Variants in GFRA2 observed in about 807,000 individuals in gnomAD.
GFRA2 encodes GDNF family receptor alpha-2.
In GFRA2, 17 loss-of-function variants were observed where a neutral mutation model predicts 48.3. The ratio of observed to expected loss-of-function variants is 0.35; its 90% CI spans 0.24 to 0.53. The LOEUF is 0.53. Among genes scored for constraint, GFRA2 ranks in the 20% least tolerant of loss-of-function variants. The pLI is 0.93. For synonymous variants in GFRA2, 305 were observed against 257.2 expected (o/e 1.19, Z -1.78); for missense variants, 660 against 637.3 (o/e 1.04, Z -0.38).
rs1807069056 is a variant in GFRA2, at chr8:21,782,675, G to A, written c.265C>T (p.Pro89Ser). ...QAALEVLQES[P>S]LYDCRCKRGM... ...CGCTTGCAGCGGCAGTCGTACAGCG[G>A]GCTCTCCTGCAAGACCTCCAAGGCC... Residue 89 changes from proline to serine, a missense_variant, in exon 2 of 9, where the codon CCG becomes TCG. Physicochemically the swap from Pro to Ser is moderately conservative, Grantham distance 74 (BLOSUM62 -1). Transcript: ENST00000524240. 1.9e-6 allele frequency: 3 copies of A among 1,588,470 alleles called. No homozygotes were observed. The highest frequency in any genetic ancestry group is 2.6e-6 in the Non-Finnish European group (3 of 1,168,154).
In GFRA2 at chr8:21,750,790, G is replaced by A. The variant is rs1473340097; in HGVS notation, c.592C>T (p.Arg198Cys). Residue 198 changes from arginine to cysteine, a missense_variant, in exon 4 of 9, where the codon CGC becomes TGC. Coordinates refer to ENST00000524240, the MANE Select transcript of GFRA2 (RefSeq NM_001495.5). This position sits in a 1 kb window ranked among gnomAD's most constrained non-coding sequence, Gnocchi z 5.7. Reference protein sequence around the residue: ...EISPTERCNRRKCHKALRQFF... With the variant: ...EISPTERCNRCKCHKALRQFF... ...TGGCGCAGGGCCTTGTGGCACTTGC[G>A]GCGGTTGCAGCGCTCGGTGGGCGAG... 6.2e-6 allele frequency: 10 copies of A among 1,614,050 alleles called. No individual in the cohort carries two copies. Among genetic ancestry groups the A allele is most frequent in the South Asian group, 1.1e-5 (1 of 91,090 alleles).
chr8:21,702,445 G>A (rs1199755179), intron 7 of GFRA2, among the ~76,000 whole-genome samples: 1 of 152,158 alleles, frequency 6.6e-6, no homozygotes, highest in African/African-American at 2.4e-5. Context: ...CTGGCACTGT[G>A]GAGGTGCACT....
intron 2 of GFRA2, among the ~76,000 whole-genome samples, chr8:21,794,978 C>T (rs1807641957): frequency 6.6e-6 from 1 of 152,224 alleles, no homozygotes; most frequent in Admixed American, 6.5e-5. Flanking sequence ...AGTGCTTCAT[C>T]ATTCTCTTTA....
chr8:21,709,350 A>C (rs1221884787), intron 4 of GFRA2, among the ~76,000 whole-genome samples: 2 of 152,252 alleles, frequency 1.3e-5, no homozygotes, highest in East Asian at 3.8e-4. Flanking sequence ...TTGCATGAGC[A>C]GTTCCTGATT....
chr8:21,809,292 C>A (rs1211809287), intron 1 of GFRA2, among the ~76,000 whole-genome samples: 1 of 152,184 alleles, frequency 6.6e-6, no homozygotes, highest in South Asian at 2.1e-4. Flanking sequence ...AGATGTATCT[C>A]CTTTGGCAGA....
chr8:21,800,630 G>C (rs927803207), intron 2 of GFRA2, among the ~76,000 whole-genome samples: 1 of 152,172 alleles, frequency 6.6e-6, no homozygotes, highest in Non-Finnish European at 1.5e-5. Context: ...CATACCATAA[G>C]AGTTCAACAG....
chr8:21,731,402 A>G (rs934199040), intron 4 of GFRA2, among the ~76,000 whole-genome samples: 1 of 152,192 alleles, frequency 6.6e-6, no homozygotes, highest in African/African-American at 2.4e-5. Context: ...CATCATCCGT[A>G]GCCATCTCAA....
In GFRA2 at chr8:21,714,246, C is replaced by T. The variant is rs866023421; in HGVS notation, c.795-8205G>A. 5.1e-3 allele frequency among the ~76,000 whole-genome samples: 398 copies of T among 78,268 alleles called. 1 individual carries two copies. Among genetic ancestry groups the T allele is most frequent in the Admixed American group, 7.5e-3 (38 of 5,086 alleles). The allele number at this position is 78,268 out of a possible 152,430, so 51.3% of individuals were successfully genotyped here. Reference sequence around the variant, plus strand: ...GATCAATACATACTGGTCTGAAGTTCTTTTTTTTTTTTTTTTTTTTTTTGA... The same window carrying T: ...GATCAATACATACTGGTCTGAAGTTTTTTTTTTTTTTTTTTTTTTTTTTGA... On this transcript the variant is annotated intron_variant, in intron 4 of 8. Transcript: ENST00000524240.
At chr8:21,734,437 G>A (rs1804351292) in intron 4 of GFRA2, among the ~76,000 whole-genome samples, 1 of 152,216 alleles carries the variant, frequency 6.6e-6, no homozygotes, top group Non-Finnish European at 1.5e-5. Context: ...AGAGGCACTG[G>A]GAAACATCAC....
At chr8:21,719,637 T>C (rs1418504575) in intron 4 of GFRA2, among the ~76,000 whole-genome samples, 1 of 152,212 alleles carries the variant, frequency 6.6e-6, no homozygotes, top group Non-Finnish European at 1.5e-5. Context: ...GGATGACTTA[T>C]TATTGTGTTA....
intron 1 of GFRA2, among the ~76,000 whole-genome samples, chr8:21,787,699 C>T (rs1166741352): frequency 6.6e-6 from 1 of 152,268 alleles, no homozygotes; most frequent in Non-Finnish European, 1.5e-5. Flanking sequence ...AAGGCGGACC[C>T]CGCAGGACTG....
At chr8:21,736,907 TGAGGG>T (rs1302505061) in intron 4 of GFRA2, among the ~76,000 whole-genome samples, 17 of 29,814 alleles carry the variant, frequency 5.7e-4, no homozygotes, top group African/African-American at 1.8e-3. Context: ...AAGGAAGAAA[TGAGGG>T]GAGGGGAGGG....
intron 4 of GFRA2, among the ~76,000 whole-genome samples, chr8:21,748,179 T>G (rs1283021484): frequency 1.8e-4 from 27 of 152,102 alleles, no homozygotes; most frequent in Admixed American, 1.8e-3. Flanking sequence ...CTTTCCAGCC[T>G]CATTACTGAG....
At chr8:21,735,545 C>T (rs954524481) in intron 4 of GFRA2, among the ~76,000 whole-genome samples, 7 of 150,844 alleles carry the variant, frequency 4.6e-5, no homozygotes, top group Admixed American at 3.9e-4. Flanking sequence ...CTTCCCCACC[C>T]ACTGCTGGTG....
intron 2 of GFRA2, among the ~76,000 whole-genome samples, chr8:21,780,086 TCTC>T (rs1806904809): frequency 6.6e-6 from 1 of 151,416 alleles, no homozygotes; most frequent in South Asian, 2.1e-4. Flanking sequence ...TCCTTTGTTC[TCTC>T]CTCTTTACAC....
chr8:21,733,778 A>T (rs939544938), intron 4 of GFRA2, among the ~76,000 whole-genome samples: 9 of 152,314 alleles, frequency 5.9e-5, no homozygotes, highest in African/African-American at 2.2e-4. Flanking sequence ...TGACCATTTA[A>T]TAGCCGACCC....
chr8:21,714,964 A>G (rs1803261240), intron 4 of GFRA2, among the ~76,000 whole-genome samples: 1 of 152,240 alleles, frequency 6.6e-6, no homozygotes, highest in South Asian at 2.1e-4. Context: ...AATAGCCCCA[A>G]GTGCCTCTGG....
rs1585345874 is a variant in GFRA2 at position 21,788,428 on chromosome 8, T to C, written c.-269A>G. The C allele has an allele frequency of 1.0e-5, 13 of 1,238,580 alleles. No individual in the cohort carries two copies. In the East Asian group the frequency reaches 5.0e-4, roughly 47 times the overall value. The allele number at this position is 1,238,580 out of a possible 1,614,324, so 76.7% of individuals were successfully genotyped here. On this transcript the variant is annotated 5_prime_UTR_variant, in exon 1 of 9. Coordinates refer to ENST00000524240, the MANE Select transcript of GFRA2 (RefSeq NM_001495.5). Reference sequence around the variant, plus strand: ...AATATACGCGTATCTGTGTATCGGCTTTCTAAGCCAACAGCCCAGTCCTGG... The same window carrying C: ...AATATACGCGTATCTGTGTATCGGCCTTCTAAGCCAACAGCCCAGTCCTGG...
Position 21,810,364 on chromosome 8 carries a change from C to G in GFRA2, c.-148+1867G>C, listed in dbSNP as rs79010888. Among the ~76,000 whole-genome samples the G allele has an allele frequency of 5.8e-3, 880 of 152,308 alleles. 2 individuals are homozygous for G. The highest frequency in any genetic ancestry group is 9.1e-3 in the Non-Finnish European group (617 of 68,022). On this transcript the variant is annotated intron_variant, in intron 1 of 10. Transcript: ENST00000517328. ...TCAGCCTCCTCCCTCTGCCCACCCC[C>G]CTCACTGACCTGGAGCCATAGCCCC...
Sources: allele counts gnomAD v4.1 joint callset (sites outside exome capture counted in the v4.1 genomes callset), GRCh38; gene constraint gnomAD v4.1.1; non-coding constraint Gnocchi (gnomAD v3.1); transcripts MANE v1.5; gene names NCBI Gene and HGNC (gene_info 2026-07-23, HGNC 2026-07-21).